Variants in HSD17B12 observed in about 807,000 individuals in gnomAD.
The protein encoded by HSD17B12 is hydroxysteroid 17-beta dehydrogenase 12, also known as very-long-chain 3-oxoacyl-CoA reductase.
In HSD17B12, 32 loss-of-function variants were observed where a neutral mutation model predicts 39.3. The observed-to-expected ratio is 0.81, with a 90% confidence interval of 0.61 to 1.09. The LOEUF (loss-of-function observed/expected upper bound fraction) is 1.09, where lower values mean the gene tolerates loss of function less well. HSD17B12 is among the 50% of genes least tolerant of loss of function. The probability of loss-of-function intolerance (pLI) is 0.00; values close to 1 mark genes in which losing one functional copy is unlikely to be tolerated. For synonymous variants in HSD17B12, 150 were observed against 146.7 expected, an observed-to-expected ratio of 1.02 and a Z score of -0.16; for missense variants, 342 against 382.9, an observed-to-expected ratio of 0.89 and a Z score of 0.89.
chr11:43,702,400 A>G (rs903285662), intron 1 of HSD17B12, among the ~76,000 whole-genome samples: 2 of 152,166 alleles, frequency 1.3e-5, no homozygotes, highest in African/African-American at 4.8e-5. Context: ...CATCTTTGTC[A>G]TGTTCCAGAT....
intron 3 of HSD17B12, among the ~76,000 whole-genome samples, chr11:43,768,602 T>C (rs1950619209): frequency 6.6e-6 from 1 of 152,234 alleles, no homozygotes; most frequent in African/African-American, 2.4e-5. Context: ...TTATTCCTTC[T>C]GGTGGGTTCA....
At position 43,815,417 on chromosome 11, in the gene HSD17B12, A is replaced by G. The variant is rs1565099197; in HGVS notation, c.392-20A>G. On this transcript the variant is annotated intron_variant, in intron 4 of 10. Transcript: ENST00000278353. Reference sequence around the variant, plus strand: ...AAAATATGCATATGTTACTCAGCTAATCATCTTGTTCTATTTCAGTGAACA... The same window carrying G: ...AAAATATGCATATGTTACTCAGCTAGTCATCTTGTTCTATTTCAGTGAACA... The G allele has an allele frequency of 2.0e-6, 3 of 1,484,822 alleles. No homozygotes were observed. Among genetic ancestry groups the G allele is most frequent in the Non-Finnish European group, 2.8e-6 (3 of 1,079,540 alleles). The allele number at this position is 1,484,822 out of a possible 1,614,324, so 92.0% of individuals were successfully genotyped here. A position where few individuals can be genotyped will look rare whatever the true frequency, so the allele number is the denominator to read the frequency against.
the HSD17B12 span, among the ~76,000 whole-genome samples, chr11:43,618,779 T>G: frequency 6.6e-6 from 1 of 152,086 alleles, no homozygotes; most frequent in African/African-American, 2.4e-5. Context: ...TTCTGAGGAC[T>G]TCAGAACTAG....
chr11:43,792,792 G>A (rs1950879956), intron 3 of HSD17B12, among the ~76,000 whole-genome samples: 1 of 150,398 alleles, frequency 6.6e-6, no homozygotes, highest in Non-Finnish European at 1.5e-5. Flanking sequence ...AGAGTAGGTG[G>A]TACTACAGGC....
chr11:43,828,343 C>T (rs1289691687), intron 6 of HSD17B12, among the ~76,000 whole-genome samples: 1 of 90,036 alleles, frequency 1.1e-5, no homozygotes, highest in Admixed American at 1.1e-4. Context: ...GAGGTTTCAC[C>T]GTTTTAGCCG....
chr11:43,788,685 C>CAAAAAAA (rs57970272), intron 3 of HSD17B12, among the ~76,000 whole-genome samples: 2 of 100,912 alleles, frequency 2.0e-5, no homozygotes. Flanking sequence ...TTTCCTTCCT[C>CAAAAAAA]AAAAAAAAAA....
intron 3 of HSD17B12, among the ~76,000 whole-genome samples, chr11:43,781,843 G>A (rs1950768732): frequency 6.6e-6 from 1 of 152,118 alleles, no homozygotes; most frequent in African/African-American, 2.4e-5. Flanking sequence ...AGCTGTATAT[G>A]TACTTTATAG....
At chr11:43,759,930 C>G (rs918742558) in intron 3 of HSD17B12, among the ~76,000 whole-genome samples, 2 of 151,638 alleles carry the variant, frequency 1.3e-5, no homozygotes, top group African/African-American at 4.8e-5. Context: ...AGGTCTCACT[C>G]TGTCATTCAG....
chr11:43,851,192 G>T (rs1304906024), intron 9 of HSD17B12, among the ~76,000 whole-genome samples: 1 of 152,178 alleles, frequency 6.6e-6, no homozygotes, highest in East Asian at 1.9e-4. Context: ...TGCTAAATTT[G>T]AAGACCAGGA....
chr11:43,619,724 G>T, the HSD17B12 span, among the ~76,000 whole-genome samples: 2 of 152,068 alleles, frequency 1.3e-5, no homozygotes, highest in Non-Finnish European at 2.9e-5. Context: ...AGAATAGCTG[G>T]ATCATGTATA....
chr11:43,782,365 A>T (rs912851779), intron 3 of HSD17B12, among the ~76,000 whole-genome samples: 1 of 152,204 alleles, frequency 6.6e-6, no homozygotes, highest in Non-Finnish European at 1.5e-5. Flanking sequence ...GGATGGAAAC[A>T]AATTATAATC....
intron 1 of HSD17B12, among the ~76,000 whole-genome samples, chr11:43,705,761 CTTTTTTTTTTTT>C (rs56979348): frequency 1.6e-5 from 1 of 62,452 alleles, no homozygotes; most frequent in East Asian, 4.5e-4. Context: ...CCTCTCTCCT[CTTTTTTTTTTTT>C]TTTTTTTTTT....
chr11:43,830,777 T>G, intron 6 of HSD17B12, 199 bp from the exon 7 acceptor site: 1 of 409,690 alleles, frequency 2.4e-6, no homozygotes, highest in Non-Finnish European at 4.4e-6. Flanking sequence ...CTGTGTTCTC[T>G]CCAGTAATTT....
At chr11:43,789,954 C>CA (rs556094979) in intron 3 of HSD17B12, among the ~76,000 whole-genome samples, 1 of 152,082 alleles carries the variant, frequency 6.6e-6, no homozygotes, top group Non-Finnish European at 1.5e-5. Context: ...CTCCCCCCCG[C>CA]AAAAAAGAGA....
chr11:43,795,024 G>GAA (rs35662338), intron 3 of HSD17B12, among the ~76,000 whole-genome samples: 17 of 151,582 alleles, frequency 1.1e-4, no homozygotes, highest in East Asian at 1.9e-4. Context: ...GTGGTTTTAT[G>GAA]AAAAAAAACA....
At chr11:43,794,417 T>G (rs1950897613) in intron 3 of HSD17B12, among the ~76,000 whole-genome samples, 1 of 152,148 alleles carries the variant, frequency 6.6e-6, no homozygotes, top group Non-Finnish European at 1.5e-5. Context: ...AAACTGAGAC[T>G]AAACAGGTGA....
the HSD17B12 span, among the ~76,000 whole-genome samples, chr11:43,590,568 G>A: frequency 1.7e-5 from 2 of 120,000 alleles, no homozygotes; most frequent in Non-Finnish European, 3.3e-5. Flanking sequence ...GGAGAGCTGC[G>A]ATCTTGGGTC....
At chr11:43,825,841 A>G (rs771620692) in intron 6 of HSD17B12, among the ~76,000 whole-genome samples, 8 of 152,330 alleles carry the variant, frequency 5.3e-5, no homozygotes, top group South Asian at 4.1e-4. Context: ...GTAGTTATAG[A>G]TTGGTACTGA....
intron 1 of HSD17B12, among the ~76,000 whole-genome samples, chr11:43,694,724 C>G (rs1949893902): frequency 6.6e-6 from 1 of 152,040 alleles, no homozygotes; most frequent in Admixed American, 6.5e-5. Flanking sequence ...CTGTTTATAT[C>G]ATGGCAGTAT....
Sources: gnomAD v4.1 joint callset for allele counts (sites outside exome capture counted in the v4.1 genomes callset) on GRCh38, gnomAD v4.1.1 for gene constraint, MANE v1.5 for transcripts, NCBI Gene and HGNC (gene_info 2026-07-23, HGNC 2026-07-21) for gene names.